Variants in ELP4 observed in about 807,000 individuals in gnomAD.
ELP4 encodes elongator complex protein 4.
In ELP4, 51 loss-of-function variants were observed where a neutral mutation model predicts 48.9. The observed-to-expected ratio is 1.04, with a 90% CI of 0.83 to 1.32. ELP4 has a LOEUF of 1.32. ELP4 is among the 40% of genes most tolerant of loss of function. The probability of loss-of-function intolerance (pLI) is 0.00; values close to 1 mark genes in which losing one functional copy is unlikely to be tolerated. For synonymous variants in ELP4, 210 were observed against 189.2 expected (o/e 1.11, Z -0.90); for missense variants, 519 against 514.6 (o/e 1.01, Z -0.08).
At chr11:31,538,160 C>A (rs1956532479) in intron 2 of ELP4, among the ~76,000 whole-genome samples, 1 of 151,042 alleles carries the variant, frequency 6.6e-6, no homozygotes, top group African/African-American at 2.4e-5. Context: ...TGTAGAAGTA[C>A]AATCAATATA....
intron 7 of ELP4, among the ~76,000 whole-genome samples, chr11:31,634,726 C>T (rs762698734): frequency 1.4e-4 from 21 of 151,950 alleles, no homozygotes; most frequent in Admixed American, 1.4e-3. Context: ...TATATTTCAG[C>T]CCCTGTATAA....
intron 5 of ELP4, among the ~76,000 whole-genome samples, chr11:31,616,409 C>T (rs1944484816): frequency 6.6e-6 from 1 of 151,946 alleles, no homozygotes; most frequent in Non-Finnish European, 1.5e-5. Context: ...CCCTGTCTTA[C>T]ATCATATGCA....
intron 9 of ELP4, among the ~76,000 whole-genome samples, chr11:31,758,619 T>G (rs1947879877): frequency 6.6e-6 from 1 of 152,146 alleles, no homozygotes; most frequent in Admixed American, 6.5e-5. Flanking sequence ...CTAAAACATT[T>G]TATATGAAAT....
intron 3 of ELP4, among the ~76,000 whole-genome samples, chr11:31,587,924 T>C (rs985614811): frequency 4.6e-5 from 7 of 152,164 alleles, no homozygotes; most frequent in African/African-American, 1.2e-4. Context: ...CAAATATTTT[T>C]TGTAATAAAA....
At chr11:31,577,283 G>T (rs1255084217) in intron 3 of ELP4, among the ~76,000 whole-genome samples, 2 of 152,144 alleles carry the variant, frequency 1.3e-5, no homozygotes, top group Non-Finnish European at 2.9e-5. Context: ...TGAAATTGAG[G>T]CAATAATTAA....
chr11:31,746,883 TATAATA>T (rs751181055), intron 9 of ELP4, among the ~76,000 whole-genome samples: 40 of 151,402 alleles, frequency 2.6e-4, no homozygotes, highest in African/African-American at 7.0e-4. Flanking sequence ...AAACTTAAAG[TATAATA>T]ATAATAATAA....
chr11:31,704,013 A>G (rs917843822), intron 9 of ELP4, among the ~76,000 whole-genome samples: 5 of 152,206 alleles, frequency 3.3e-5, no homozygotes, highest in African/African-American at 1.2e-4. Flanking sequence ...TGATAGTAAC[A>G]ATATTGTAAA....
chr11:31,546,311 C>CA (rs1300814126), intron 3 of ELP4, among the ~76,000 whole-genome samples: 1 of 151,330 alleles, frequency 6.6e-6, no homozygotes, highest in Non-Finnish European at 1.5e-5. Context: ...AAATGGAAAA[C>CA]AAAAAAAGGC....
In ELP4 at chr11:31,510,022, G is replaced by T. The variant is rs760807609; in HGVS notation, c.223+15G>T. The T allele has an allele frequency of 3.1e-6, 5 of 1,604,172 alleles. No homozygotes were observed. Among genetic ancestry groups the T allele is most frequent in the East Asian group, 4.5e-5 (2 of 44,668 alleles). On this transcript the variant is annotated intron_variant, in intron 1 of 9. Coordinates refer to ENST00000640961, the MANE Select transcript of ELP4 (RefSeq NM_019040.5). ...CCAGCTCTTAGGTCGGTTCAGAGCG[G>T]AGATCTGGGCTCAGCCGAGGGGAAA...
chr11:31,650,493 CATA>C lies in ELP4; in HGVS notation c.1143+273_1143+275del, dbSNP rs1477686511. On this transcript the variant is annotated intron_variant, in intron 9 of 9. Coordinates refer to ENST00000640961, the MANE Select transcript of ELP4 (RefSeq NM_019040.5). The stretch of plus-strand genomic sequence containing the variant: ...AAACTTACATGATAAATATGATATG[CATA>C]TTTCCATGGCTTTGAAAAGCATATT... 7.3e-5 allele frequency: 21 copies of C among 289,646 alleles called. No homozygotes were observed. The East Asian group carries it at 9.4e-4, about 13-fold the overall frequency. The allele number at this position is 289,646 out of a possible 1,614,324, so 17.9% of individuals were successfully genotyped here.
At chr11:31,580,433 C>A (rs1224204338) in intron 3 of ELP4, among the ~76,000 whole-genome samples, 1 of 152,080 alleles carries the variant, frequency 6.6e-6, no homozygotes, top group Non-Finnish European at 1.5e-5. Context: ...TATACATAGA[C>A]CACTATCAGT....
chr11:31,630,221 A>G (rs1180202110), intron 6 of ELP4, among the ~76,000 whole-genome samples: 3 of 128,698 alleles, frequency 2.3e-5, no homozygotes, highest in Non-Finnish European at 5.0e-5. Context: ...TGCTTATTCT[A>G]AAATCCTTTT....
At chr11:31,602,217 A>C (rs1409072660) in intron 4 of ELP4, among the ~76,000 whole-genome samples, 1 of 152,100 alleles carries the variant, frequency 6.6e-6, no homozygotes, top group Non-Finnish European at 1.5e-5. Flanking sequence ...TAAAAAGATG[A>C]GCTCTAGCAG....
intron 3 of ELP4, among the ~76,000 whole-genome samples, chr11:31,592,478 G>A (rs1957597754): frequency 6.6e-6 from 1 of 150,474 alleles, no homozygotes; most frequent in Non-Finnish European, 1.5e-5. Flanking sequence ...GGAGGTGTGT[G>A]TGTGTATATA....
intron 3 of ELP4, among the ~76,000 whole-genome samples, chr11:31,584,207 T>C (rs895200531): frequency 3.9e-5 from 6 of 151,982 alleles, no homozygotes; most frequent in Admixed American, 6.5e-5. Context: ...GTATTTATAA[T>C]ATTTTATTAA....
intron 9 of ELP4, among the ~76,000 whole-genome samples, chr11:31,692,415 C>G (rs1031321696): frequency 6.6e-6 from 1 of 152,162 alleles, no homozygotes; most frequent in Non-Finnish European, 1.5e-5. Context: ...GTTTTCCCTA[C>G]TCACTGTTGC....
At chr11:31,520,597 A>G (rs558771156) in intron 2 of ELP4, among the ~76,000 whole-genome samples, 3 of 152,220 alleles carry the variant, frequency 2.0e-5, no homozygotes, top group East Asian at 3.9e-4. Flanking sequence ...TAGTATATAT[A>G]GGTCACAGAA....
intron 7 of ELP4, chr11:31,637,282 C>G (rs1360878347): frequency 6.6e-6 from 1 of 151,780 alleles, no homozygotes; most frequent in Non-Finnish European, 1.5e-5. Flanking sequence ...AAGCAGTAGA[C>G]AGACCTTTAG....
At chr11:31,592,243 A>G (rs1412954666) in intron 3 of ELP4, among the ~76,000 whole-genome samples, 1 of 152,066 alleles carries the variant, frequency 6.6e-6, no homozygotes, top group Admixed American at 6.6e-5. Context: ...ATTTTATTTC[A>G]CTTTAAAAAA....
Sources: gnomAD v4.1 joint callset for allele counts (sites outside exome capture counted in the v4.1 genomes callset) on GRCh38, gnomAD v4.1.1 for gene constraint, MANE v1.5 for transcripts, NCBI Gene and HGNC (gene_info 2026-07-23, HGNC 2026-07-21) for gene names.